The following SUMF1 variants were observed in gnomAD, a reference collection of about 807,000 sequenced individuals.
SUMF1 encodes sulfatase modifying factor 1.
A neutral mutation model predicts 47.6 loss-of-function variants in SUMF1; 48 were observed. The ratio of observed to expected loss-of-function variants is 1.01; its 90% CI spans 0.80 to 1.28. The LOEUF is 1.28. SUMF1 is among the 50% of genes most tolerant of loss of function. SUMF1 has a pLI of 0.00. For missense variants in SUMF1, 571 were observed against 485.4 expected, an observed-to-expected ratio of 1.18 and a Z score of -1.66; for synonymous variants, 230 against 192.1, an observed-to-expected ratio of 1.20 and a Z score of -1.63.
chr3:4,411,411 C>T (rs1475495211), intron 6 of SUMF1, among the ~76,000 whole-genome samples: 2 of 152,094 alleles, frequency 1.3e-5, no homozygotes, highest in East Asian at 1.9e-4. Flanking sequence ...CAGCACTGAG[C>T]GACCCCAAGT....
Position 4,299,653 on chromosome 3 carries a change from A to G in SUMF1, c.1014+76677T>C, listed in dbSNP as rs533203803. Among the ~76,000 whole-genome samples the G allele has an allele frequency of 3.3e-5, 5 of 152,258 alleles. No homozygotes were observed. The East Asian group carries it at 9.7e-4, about 29-fold the overall frequency. The stretch of plus-strand genomic sequence containing the variant: ...GTGAAACCCCAGCTCTACTAAAAAT[A>G]CAAAAAAGTAGCTGGGTGTGGTGGC... On this transcript the variant is annotated intron_variant and NMD_transcript_variant, in intron 8 of 12. Coordinates refer to the SUMF1 transcript ENST00000448413.
At chr3:4,454,342 T>A (rs1392481842) in intron 1 of SUMF1, among the ~76,000 whole-genome samples, 2 of 152,202 alleles carry the variant, frequency 1.3e-5, no homozygotes, top group Non-Finnish European at 2.9e-5. Context: ...ATGCTCAACA[T>A]CATGAGTCAT....
intron 8 of SUMF1, among the ~76,000 whole-genome samples, chr3:4,072,622 CGTAGA>C (rs1235361008): frequency 2.6e-5 from 4 of 151,992 alleles, no homozygotes; most frequent in African/African-American, 9.7e-5. Flanking sequence ...GAATAACCAG[CGTAGA>C]GTAGAACATA....
At chr3:4,420,210 C>CT in intron 3 of SUMF1, 64 bp from the exon 4 acceptor site, 2 of 1,269,414 alleles carry the variant, frequency 1.6e-6, no homozygotes, top group African/African-American at 2.9e-5. Context: ...AATATCAACT[C>CT]AGTACATGCA....
intron 8 of SUMF1, among the ~76,000 whole-genome samples, chr3:4,075,643 C>G (rs1437889507): frequency 6.6e-6 from 1 of 152,102 alleles, no homozygotes; most frequent in Non-Finnish European, 1.5e-5. Context: ...TCAGCAAAGT[C>G]TCAGGATACA....
intron 8 of SUMF1, among the ~76,000 whole-genome samples, chr3:4,269,115 C>T (rs1697256204): frequency 6.6e-6 from 1 of 152,104 alleles, no homozygotes; most frequent in South Asian, 2.1e-4. Context: ...TGCTGTACAG[C>T]AAAAATAATC....
At chr3:4,217,177 T>A (rs1574988155) in intron 8 of SUMF1, among the ~76,000 whole-genome samples, 1 of 151,982 alleles carries the variant, frequency 6.6e-6, no homozygotes, top group South Asian at 2.1e-4. Context: ...TGGAATACTA[T>A]GCAGCCATAA....
At chr3:4,232,927 C>T (rs1376680107) in intron 8 of SUMF1, among the ~76,000 whole-genome samples, 3 of 152,078 alleles carry the variant, frequency 2.0e-5, no homozygotes, top group African/African-American at 4.8e-5. Flanking sequence ...TTTCCTCCCT[C>T]ATCTGAAGAA....
At chr3:4,067,310 A>C (rs577112905) in intron 9 of SUMF1, among the ~76,000 whole-genome samples, 4 of 152,260 alleles carry the variant, frequency 2.6e-5, no homozygotes, top group Non-Finnish European at 5.9e-5. Flanking sequence ...ATGACACTAT[A>C]TTCTAGCCAT....
At chr3:4,066,823 G>A (rs940568858) in intron 9 of SUMF1, among the ~76,000 whole-genome samples, 17 of 152,110 alleles carry the variant, frequency 1.1e-4, no homozygotes, top group African/African-American at 4.1e-4. Context: ...CGAACACCTG[G>A]CATTTCCATA....
At chr3:4,413,758 G>T (rs1701619921) in intron 6 of SUMF1, among the ~76,000 whole-genome samples, 1 of 151,982 alleles carries the variant, frequency 6.6e-6, no homozygotes, top group Non-Finnish European at 1.5e-5. Context: ...GGGTGTGGTG[G>T]TTCATGCCAG....
At chr3:4,222,445 A>G (rs1365343826) in intron 8 of SUMF1, among the ~76,000 whole-genome samples, 1 of 152,050 alleles carries the variant, frequency 6.6e-6, no homozygotes, top group Admixed American at 6.6e-5. Flanking sequence ...TCACTCACAC[A>G]ACCATTTTAT....
At chr3:4,410,583 C>G (rs557654558) in intron 7 of SUMF1, among the ~76,000 whole-genome samples, 1 of 152,202 alleles carries the variant, frequency 6.6e-6, no homozygotes, top group East Asian at 1.9e-4. Context: ...ATGCTTTGAT[C>G]AAATTTACGA....
At chr3:4,255,563 A>C (rs1696930965) in intron 8 of SUMF1, among the ~76,000 whole-genome samples, 1 of 82,694 alleles carries the variant, frequency 1.2e-5, no homozygotes, top group Non-Finnish European at 2.4e-5. Context: ...AAGAAGAGCT[A>C]ACTATCCTAA....
At chr3:4,390,737 G>A (rs898038367) in intron 7 of SUMF1, among the ~76,000 whole-genome samples, 1 of 152,062 alleles carries the variant, frequency 6.6e-6, no homozygotes, top group African/African-American at 2.4e-5. Flanking sequence ...CACATACCAT[G>A]ATACCTGGCT....
chr3:4,278,851 A>C (rs1697472495), intron 8 of SUMF1, among the ~76,000 whole-genome samples: 1 of 152,150 alleles, frequency 6.6e-6, no homozygotes, highest in South Asian at 2.1e-4. Context: ...ACTTCTAAAA[A>C]TAATAAAAAT....
rs1392449991 is a variant in SUMF1 at position 4,262,194 on chromosome 3, C to T, written c.1014+114136G>A. On this transcript the variant is annotated intron_variant and NMD_transcript_variant, in intron 8 of 12. Coordinates refer to the SUMF1 transcript ENST00000448413. The stretch of plus-strand genomic sequence containing the variant: ...CAGACCTGGAGGGTACCTGAAAGTG[C>T]CCTTTCCTTGGGCCAGGTAGGAGGA... 1.3e-5 allele frequency among the ~76,000 whole-genome samples: 2 copies of T among 152,110 alleles called. 1 individual carries two copies. Among genetic ancestry groups the T allele is most frequent in the Non-Finnish European group, 2.9e-5 (2 of 68,018 alleles).
chr3:4,334,138 G>C (rs1049945158), intron 8 of SUMF1, among the ~76,000 whole-genome samples: 1 of 151,074 alleles, frequency 6.6e-6, no homozygotes, highest in South Asian at 2.1e-4. Flanking sequence ...AAAAAAAAAA[G>C]TTTAAGTCAA....
At position 4,388,331 on chromosome 3, in the gene SUMF1, T is replaced by C. The variant is rs144823765; in HGVS notation, c.955-11942A>G. On this transcript the variant is annotated intron_variant, in intron 7 of 8. Transcript: ENST00000272902. ...TATATACGTTCTTCCTCAACTCTGG[T>C]AAATTTCTTTGCTTTGAAGTCTGCT... is the stretch of plus-strand genomic sequence containing the variant. Among the ~76,000 whole-genome samples, 30 of 152,216 alleles carry C rather than the reference T, an allele frequency of 2.0e-4. No homozygotes were observed. The East Asian group carries it at 4.8e-3, about 24-fold the overall frequency.
Sources: gnomAD v4.1 joint callset for allele counts (sites outside exome capture counted in the v4.1 genomes callset) on GRCh38, gnomAD v4.1.1 for gene constraint, MANE v1.5 for transcripts, NCBI Gene and HGNC (gene_info 2026-07-23, HGNC 2026-07-21) for gene names.